Variants in ACOXL observed in about 807,000 individuals in gnomAD.
ACOXL encodes the protein acyl-CoA oxidase like, also known as acyl-coenzyme A oxidase-like protein.
ACOXL carries 70 observed loss-of-function variants against 71.9 expected under a neutral mutation model. The ratio of observed to expected loss-of-function variants is 0.97; its 90% CI spans 0.80 to 1.19. The LOEUF (loss-of-function observed/expected upper bound fraction) is 1.19. ACOXL is among the 50% of genes most tolerant of loss of function. ACOXL has a pLI of 0.00. For synonymous variants in ACOXL, 253 were observed against 281.6 expected, an observed-to-expected ratio of 0.90 and a Z score of 1.02; for missense variants, 703 against 736.3, an observed-to-expected ratio of 0.95 and a Z score of 0.52.
chr2:110,952,278 C>T (rs1310479219), intron 12 of ACOXL, among the ~76,000 whole-genome samples: 1 of 151,922 alleles, frequency 6.6e-6, no homozygotes, highest in African/African-American at 2.4e-5. Context: ...TCCATGATAC[C>T]CTTTTCTCTT....
chr2:110,968,379 T>C lies in ACOXL; in HGVS notation c.1060-18729T>C, dbSNP rs1049626153. The C allele has an allele frequency of 2.1e-5, 24 of 1,167,116 alleles. No homozygotes were observed. In the African/African-American group the frequency reaches 3.3e-4, roughly 16 times the overall value. The allele number at this position is 1,167,116 out of a possible 1,614,324, so 72.3% of individuals were successfully genotyped here. A position where few individuals can be genotyped will look rare whatever the true frequency, so the allele number is the denominator to read the frequency against. On this transcript the variant is annotated intron_variant, in intron 12 of 17. Transcript: ENST00000439055. Reference sequence around the variant, plus strand: ...CTCATAGTACCAGATGATTCCCTGGTTATGATTCTGAAAGCAAGGAATTTA... The same window carrying C: ...CTCATAGTACCAGATGATTCCCTGGCTATGATTCTGAAAGCAAGGAATTTA...
chr2:110,778,305 A>G (rs570152842), intron 2 of ACOXL, among the ~76,000 whole-genome samples: 1 of 152,360 alleles, frequency 6.6e-6, no homozygotes, highest in East Asian at 1.9e-4. Flanking sequence ...TCTCATTATC[A>G]AAAATGATGC....
chr2:110,862,902 A>G (rs772740925), intron 10 of ACOXL, among the ~76,000 whole-genome samples: 5 of 152,158 alleles, frequency 3.3e-5, no homozygotes, highest in South Asian at 2.1e-4. Flanking sequence ...CCCACAGGCA[A>G]CCACCACCTA....
intron 10 of ACOXL, among the ~76,000 whole-genome samples, chr2:110,893,575 C>T (rs1182792086): frequency 6.6e-6 from 1 of 152,060 alleles, no homozygotes; most frequent in Non-Finnish European, 1.5e-5. Flanking sequence ...AAAAAGTTTG[C>T]ATGTTTTGAT....
intron 16 of ACOXL, among the ~76,000 whole-genome samples, chr2:111,058,380 G>C (rs1256360060): frequency 6.6e-6 from 1 of 152,150 alleles, no homozygotes. Flanking sequence ...GGGGATCCCA[G>C]ACTTTTCAGC....
At position 110,987,124 on chromosome 2, in the gene ACOXL, T is replaced by A. The variant is rs1473947409; in HGVS notation, c.1076T>A (p.Leu359Gln). 6.4e-7 allele frequency: 1 copy of A among 1,570,746 alleles called. No homozygotes were observed. Among genetic ancestry groups the A allele is most frequent in the Non-Finnish European group, 8.7e-7 (1 of 1,154,988 alleles). ...CTGGMVVGRE[L>Q]LAQYTKQYEE... ...TTTGCACAGGTTGTGGGGCGGGAACTGCTGGCCCAATACACCAAACAGTAT... is the reference window on the plus strand; with the variant it reads ...TTTGCACAGGTTGTGGGGCGGGAACAGCTGGCCCAATACACCAAACAGTAT... Residue 359 changes from leucine (L) to glutamine (Q), a missense_variant, in exon 13 of 18, where the codon CTG becomes CAG. By Grantham distance (113) the Leu-to-Gln change is moderately radical. Coordinates refer to ENST00000439055, the MANE Select transcript of ACOXL (RefSeq NM_001142807.4).
intron 10 of ACOXL, among the ~76,000 whole-genome samples, chr2:110,869,676 G>A (rs1695030901): frequency 6.6e-6 from 1 of 152,186 alleles, no homozygotes; most frequent in Admixed American, 6.5e-5. Context: ...GCCACAAGAG[G>A]CAAAGTAGCC....
intron 10 of ACOXL, among the ~76,000 whole-genome samples, chr2:110,885,259 A>G (rs1489104371): frequency 6.6e-6 from 1 of 152,202 alleles, no homozygotes; most frequent in Non-Finnish European, 1.5e-5. Context: ...TGAATGTGAA[A>G]TTGTCCTCTG....
chr2:110,764,790 G>T (rs1488063703), intron 1 of ACOXL, among the ~76,000 whole-genome samples: 1 of 152,154 alleles, frequency 6.6e-6, no homozygotes, highest in Non-Finnish European at 1.5e-5. Flanking sequence ...AATCAATTTT[G>T]CAGTGGGCCT....
rs145994399 is a variant in ACOXL at position 110,864,087 on chromosome 2, A to G, written c.788+22682A>G. ...CTTAGAAGAGCCCCTGAGTATATAT[A>G]CCCTGTTGACTCTGCACCAAAGATG... On this transcript the variant is annotated intron_variant, in intron 10 of 17. Coordinates refer to ENST00000439055, the MANE Select transcript of ACOXL (RefSeq NM_001142807.4). Among the ~76,000 whole-genome samples, 353 of 152,052 alleles carry G rather than the reference A, an allele frequency of 2.3e-3. 3 individuals are homozygous for G. The highest frequency in any genetic ancestry group is 4.4e-3 in the Non-Finnish European group (297 of 67,966).
intron 12 of ACOXL, among the ~76,000 whole-genome samples, chr2:110,946,755 G>A (rs1397016838): frequency 1.3e-5 from 2 of 152,154 alleles, no homozygotes; most frequent in Non-Finnish European, 2.9e-5. Context: ...CTGCCCCGTG[G>A]TTAGTGTTAG....
intron 1 of ACOXL, among the ~76,000 whole-genome samples, chr2:110,762,699 A>G (rs1009905895): frequency 2.0e-5 from 3 of 152,176 alleles, no homozygotes; most frequent in Admixed American, 1.3e-4. Flanking sequence ...TCTGTCACCC[A>G]GGCTGGAGTG....
chr2:110,793,925 A>G (rs1684970989), intron 4 of ACOXL, 151 bp from the exon 5 acceptor site: 2 of 835,072 alleles, frequency 2.4e-6, no homozygotes, highest in African/African-American at 1.7e-5. Flanking sequence ...CATGTTGTTA[A>G]GCTCACATTC....
At chr2:111,033,130 C>T (rs1288818124) in intron 15 of ACOXL, among the ~76,000 whole-genome samples, 4 of 152,174 alleles carry the variant, frequency 2.6e-5, no homozygotes. Flanking sequence ...TGACCATGAC[C>T]GCATTGGCCT....
chr2:110,896,043 C>T (rs2058996120), intron 10 of ACOXL, among the ~76,000 whole-genome samples: 1 of 152,120 alleles, frequency 6.6e-6, no homozygotes, highest in African/African-American at 2.4e-5. Flanking sequence ...AGTTAATACA[C>T]TGCCTGATGT....
intron 10 of ACOXL, among the ~76,000 whole-genome samples, chr2:110,888,390 C>T (rs952043772): frequency 6.6e-6 from 1 of 152,156 alleles, no homozygotes; most frequent in Non-Finnish European, 1.5e-5. Context: ...TACTGCTGTA[C>T]CCCGTGGATG....
chr2:111,106,660 T>C (rs899512977), intron 17 of ACOXL, among the ~76,000 whole-genome samples: 1 of 152,224 alleles, frequency 6.6e-6, no homozygotes, highest in Non-Finnish European at 1.5e-5. Flanking sequence ...TTAAATCTTC[T>C]GTTTTAGCTG....
chr2:110,956,229 A>G (rs939980402), intron 12 of ACOXL, among the ~76,000 whole-genome samples: 2 of 151,870 alleles, frequency 1.3e-5, no homozygotes, highest in African/African-American at 4.8e-5. Flanking sequence ...TTAATTACCT[A>G]TTTTATTTGT....
chr2:111,114,829 T>C (rs2070234437), intron 17 of ACOXL, among the ~76,000 whole-genome samples: 1 of 151,774 alleles, frequency 6.6e-6, no homozygotes, highest in South Asian at 2.1e-4. Flanking sequence ...GTACTGCAAC[T>C]AGATGGAGGT....
Sources: allele counts gnomAD v4.1 joint callset (sites outside exome capture counted in the v4.1 genomes callset), GRCh38; gene constraint gnomAD v4.1.1; transcripts MANE v1.5; gene names NCBI Gene and HGNC (gene_info 2026-07-23, HGNC 2026-07-21).